ZPR1: variants seen among roughly 807,000 people sequenced by gnomAD.
The protein encoded by ZPR1 is zinc finger protein ZPR1.
Under a neutral mutation model 59.6 loss-of-function variants are expected in ZPR1, and 37 were observed. That is an observed-to-expected ratio of 0.62 (90% CI 0.48 to 0.82). ZPR1 has a LOEUF of 0.82. ZPR1 is among the 40% of genes least tolerant of loss of function. The probability of loss-of-function intolerance (pLI) is 0.00; values close to 1 mark genes in which losing one functional copy is unlikely to be tolerated. For missense variants in ZPR1, 527 were observed against 579.9 expected (o/e 0.91, Z 0.94); for synonymous variants, 191 against 215.2 (o/e 0.89, Z 0.99).
rs1264093895 is a variant in ZPR1, at chr11:116,774,407, G to A, written c.*4518C>T. The A allele has an allele frequency of 6.6e-6, 1 of 152,096 alleles. No homozygotes were observed. Among genetic ancestry groups the A allele is most frequent in the Non-Finnish European group, 1.5e-5 (1 of 68,014 alleles). 9.4% of individuals were successfully genotyped at this position (152,096 alleles called of 1,614,324 possible). Reference sequence around the variant, plus strand: ...AGACTTCTGACAGAATTTGCAGGATGCTATACACAACTACACAAAAGTGCA... The same window carrying A: ...AGACTTCTGACAGAATTTGCAGGATACTATACACAACTACACAAAAGTGCA... On this transcript the variant is annotated 3_prime_UTR_variant, in exon 14 of 14. Transcript: ENST00000227322.
Position 116,782,227 on chromosome 11 carries a change from G to A in ZPR1, c.1110C>T (p.Phe370=), listed in dbSNP as rs759278086. Residue 370 remains phenylalanine, a synonymous_variant, in exon 12 of 14, where the codon TTC becomes TTT. Transcript: ENST00000227322. ...CAGGATTGGAACTGTCGCCCAGTGT[G>A]AAAGGATTTTTGGTCACCTGCAATA... ...DIRELVTKNP[F]TLGDSSNPGQ... is the part of the protein sequence containing the mutation. 4 of 1,614,120 alleles carry A rather than the reference G, an allele frequency of 2.5e-6. No homozygotes were observed. Among genetic ancestry groups the A allele is most frequent in the African/African-American group, 1.3e-5 (1 of 75,040 alleles).
chr11:116,787,713 G>T (rs1049258005), intron 1 of ZPR1, 70 bp from the exon 2 acceptor site: 15 of 1,550,628 alleles, frequency 9.7e-6, no homozygotes, highest in Non-Finnish European at 1.3e-5. Flanking sequence ...CTATCTCCGG[G>T]CGCTCCTCGG....
Position 116,786,384 on chromosome 11 carries a change from G to C in ZPR1, c.495+127C>G. On this transcript the variant is annotated intron_variant, in intron 4 of 13. Transcript: ENST00000227322. ...TTATAACATATGCAACATTCTAGCA[G>C]CTCCAGCACCACCATATGCTTACCC... 3 of 956,454 alleles carry C rather than the reference G, an allele frequency of 3.1e-6. No homozygotes were observed. In the South Asian group the frequency reaches 4.4e-5, roughly 14 times the overall value. 59.2% of individuals were successfully genotyped at this position (956,454 alleles called of 1,614,324 possible). A position where few individuals can be genotyped will look rare whatever the true frequency, so the allele number is the denominator to read the frequency against.
chr11:116,785,123 T>C lies in ZPR1; in HGVS notation c.729A>G (p.Pro243=). The change falls in exon 7 of 14, where the codon CCA becomes CCG. Residue 243 remains proline, a synonymous_variant. Coordinates refer to ENST00000227322, the MANE Select transcript of ZPR1 (RefSeq NM_003904.5). ...CTTCATTTCTGAGATCTTCCTCTTC[T>C]GGCTTCTCTGCTGGTGCTTCTTCCT... ...GLQEEAPAEK[P]EEEDLRNEVL... is the part of the protein sequence containing the mutation. The C allele has an allele frequency of 6.2e-7, 1 of 1,614,148 alleles. No individual in the cohort carries two copies.
Position 116,783,039 on chromosome 11 carries a change from G to A in ZPR1, c.982-10C>T. On this transcript the variant is annotated splice_polypyrimidine_tract_variant and intron_variant, in intron 10 of 13. Transcript: ENST00000227322. Reference sequence around the variant, plus strand: ...CACTGCAAGTCTCAGACTGTGAAATGAGAGGTCAGTTTAAGCTTTAAGTCA... The same window carrying A: ...CACTGCAAGTCTCAGACTGTGAAATAAGAGGTCAGTTTAAGCTTTAAGTCA... The A allele has an allele frequency of 3.1e-6, 5 of 1,608,678 alleles. No homozygotes were observed. The highest frequency in any genetic ancestry group is 3.4e-6 in the Non-Finnish European group (4 of 1,175,056).
At position 116,787,920 on chromosome 11, in the gene ZPR1, G is replaced by A; in HGVS notation, c.71C>T (p.Pro24Leu). The part of the protein sequence containing the change: ...AAVAPSPAPA[P>L]PPAPDHLFRP... ...GAACAGGTGATCAGGGGCAGGCGGC[G>A]GGGCCGGGGCGGGCGACGGGGCGAC... The change falls in exon 1 of 14, where the codon CCG becomes CTG. Residue 24 changes from proline to leucine, a missense_variant. Pro to Leu is a moderately conservative substitution (Grantham distance 98). Transcript: ENST00000227322. The A allele has an allele frequency of 1.2e-5, 18 of 1,500,656 alleles. No individual in the cohort carries two copies. The highest frequency in any genetic ancestry group is 1.6e-5 in the Non-Finnish European group (18 of 1,131,510). 93.0% of individuals were successfully genotyped at this position (1,500,656 alleles called of 1,614,324 possible).
At chr11:116,784,065 T>C (rs939302604) in intron 9 of ZPR1, among the ~76,000 whole-genome samples, 1 of 152,188 alleles carries the variant, frequency 6.6e-6, no homozygotes, top group Admixed American at 6.5e-5. Flanking sequence ...GACAGCTCTA[T>C]TGAGTTCTTC....
At chr11:116,781,357 C>G (rs756738367) in intron 12 of ZPR1, among the ~76,000 whole-genome samples, 2 of 152,158 alleles carry the variant, frequency 1.3e-5, no homozygotes, top group Non-Finnish European at 2.9e-5. Flanking sequence ...CACACCAAGG[C>G]ACACCCTGAA....
rs1448029007 is a variant in ZPR1, at chr11:116,784,889, G to A, written c.786C>T (p.Cys262=). The A allele has an allele frequency of 6.8e-6, 11 of 1,614,204 alleles. No homozygotes were observed. The South Asian group carries it at 1.1e-4, about 16-fold the overall frequency. ...TCATGTTGGTCTGAGCGGGGGCATT[G>A]CATTCTGGGCAGTTTGTGCTGAACT... The part of the protein sequence containing the change: ...VLQFSTNCPE[C]NAPAQTNMKL... The change falls in exon 8 of 14, where the codon TGC becomes TGT. Residue 262 remains cysteine (C), a synonymous_variant. Transcript: ENST00000227322.
Position 116,787,958 on chromosome 11 carries a change from G to T in ZPR1, c.33C>A (p.Pro11=), listed in dbSNP as rs1049180698. MAASGAVEPG[P]PGAAVAPSPA... ...GCGACGGGGCGACGGCAGCCCCCGG[G>T]GGCCCTGGTTCCACAGCCCCGCTGG... The change falls in exon 1 of 14, where the codon CCC becomes CCA. Residue 11 remains proline (P), a synonymous_variant. Transcript: ENST00000227322. The T allele has an allele frequency of 6.9e-7, 1 of 1,457,486 alleles. No homozygotes were observed. The highest frequency in any genetic ancestry group is 1.5e-5 in the African/African-American group (1 of 67,550). 90.3% of individuals were successfully genotyped at this position (1,457,486 alleles called of 1,614,324 possible).
chr11:116,786,641 G>A (rs1194224597), intron 3 of ZPR1, 60 bp from the exon 4 acceptor site: 1 of 1,446,730 alleles, frequency 6.9e-7, no homozygotes, highest in African/African-American at 1.4e-5. Context: ...TCAAGTCCCT[G>A]TATGACCCTG....
chr11:116,782,073 C>T lies in ZPR1; in HGVS notation c.1179+85G>A. On this transcript the variant is annotated intron_variant, in intron 12 of 13. Transcript: ENST00000227322. ...ATCCCCAACATGATGGTTAGATGTT[C>T]AAAAAGTGGCAAGACATGAGCATGC... is the stretch of plus-strand genomic sequence containing the variant. The T allele has an allele frequency of 9.2e-6, 9 of 982,990 alleles. No homozygotes were observed. In the South Asian group the frequency reaches 1.0e-4, roughly 11 times the overall value. The allele number at this position is 982,990 out of a possible 1,614,324, so 60.9% of individuals were successfully genotyped here. A position where few individuals can be genotyped will look rare whatever the true frequency, so the allele number is the denominator to read the frequency against.
rs1169195967 is a variant in ZPR1, at chr11:116,782,211, A to C, written c.1126T>G (p.Ser376Ala). 6.2e-7 allele frequency: 1 copy of C among 1,614,100 alleles called. No homozygotes were observed. Among genetic ancestry groups the C allele is most frequent in the Non-Finnish European group, 8.5e-7 (1 of 1,180,010 alleles). ...AGTCTCTCCGTCTGTCCAGGATTGG[A>C]ACTGTCGCCCAGTGTGAAAGGATTT... is the stretch of plus-strand genomic sequence containing the variant. ...TKNPFTLGDS[S>A]NPGQTERLQE... is the part of the protein sequence containing the mutation. Residue 376 changes from serine to alanine, a missense_variant, in exon 12 of 14, where the codon TCC becomes GCC. Ser to Ala is a moderately conservative substitution (Grantham distance 99). Coordinates refer to ENST00000227322, the MANE Select transcript of ZPR1 (RefSeq NM_003904.5).
At chr11:116,782,653 CCCCTAACTTTACAGTAAAAT>C (rs1940826011) in intron 11 of ZPR1, among the ~76,000 whole-genome samples, 1 of 152,160 alleles carries the variant, frequency 6.6e-6, no homozygotes, top group Non-Finnish European at 1.5e-5. Context: ...GGACCCTCAT[CCCCTAACTTTACAGTAAAAT>C]AAATGACTTG....
At chr11:116,779,221 G>A (rs566482837) in intron 13 of ZPR1, among the ~76,000 whole-genome samples, 162 bp from the exon 14 acceptor site, 2 of 152,316 alleles carry the variant, frequency 1.3e-5, no homozygotes, top group African/African-American at 4.8e-5. Context: ...GGTAGCAACA[G>A]AGCCCACATG....
In ZPR1 at chr11:116,787,489, G is replaced by T. The variant is rs775267702; in HGVS notation, c.326C>A (p.Ala109Asp). The T allele has an allele frequency of 3.1e-6, 5 of 1,613,796 alleles. No homozygotes were observed. The highest frequency in any genetic ancestry group is 3.4e-6 in the Non-Finnish European group (4 of 1,179,736). Residue 109 changes from alanine (A) to aspartate (D), a missense_variant, in exon 2 of 14, where the codon GCT (alanine) becomes GAT (aspartate). By Grantham distance (126) the Ala-to-Asp change is moderately radical. Coordinates refer to ENST00000227322, the MANE Select transcript of ZPR1 (RefSeq NM_003904.5). ...GCTCTGAGGTCCTCTCACCTCCAGA[G>T]CCCTGACAGACAAAGTGTAGCGCAC... ...QGVRYTLSVR[A>D]LEDMNREVVK...
Position 116,787,496 on chromosome 11 carries a change from C to G in ZPR1, c.319G>C (p.Val107Leu), listed in dbSNP as rs1940906018. The G allele has an allele frequency of 6.2e-7, 1 of 1,613,876 alleles. No homozygotes were observed. Among genetic ancestry groups the G allele is most frequent in the South Asian group, 1.1e-5 (1 of 91,066 alleles). The change falls in exon 2 of 14, where the codon GTC (valine) becomes CTC (leucine). Residue 107 changes from valine (V) to leucine (L), a missense_variant. Transcript: ENST00000227322. ...QDQGVRYTLS[V>L]RALEDMNREV... ...GGTCCTCTCACCTCCAGAGCCCTGA[C>G]AGACAAAGTGTAGCGCACTCCCTGG... is the stretch of plus-strand genomic sequence containing the variant.
chr11:116,785,693 T>C, intron 5 of ZPR1, 57 bp from the exon 6 acceptor site: 1 of 1,613,510 alleles, frequency 6.2e-7, no homozygotes, highest in South Asian at 1.1e-5. Context: ...CAATCCTACA[T>C]CACCTACTAT....
At chr11:116,782,769 C>G (rs1454313777) in intron 11 of ZPR1, 150 bp downstream of exon 11, 2 of 609,818 alleles carry the variant, frequency 3.3e-6, no homozygotes, top group Non-Finnish European at 5.8e-6. Context: ...CTTCACCATC[C>G]AAAGTAATAT....
Sources: gnomAD v4.1 joint callset for allele counts (sites outside exome capture counted in the v4.1 genomes callset) on GRCh38, gnomAD v4.1.1 for gene constraint, MANE v1.5 for transcripts, NCBI Gene and HGNC (gene_info 2026-07-23, HGNC 2026-07-21) for gene names.